MMP16: variants seen among roughly 807,000 people sequenced by gnomAD.
MMP16 encodes matrix metalloproteinase-16.
In MMP16, 12 loss-of-function variants were observed where a neutral mutation model predicts 67.8. That is an observed-to-expected ratio of 0.18 (90% confidence interval 0.11 to 0.29). MMP16 has a LOEUF of 0.29. Among genes scored for constraint, MMP16 ranks in the 10% least tolerant of loss-of-function variants. The pLI is 1.00. For missense variants in MMP16, 475 were observed against 765.7 expected, an observed-to-expected ratio of 0.62 and a Z score of 4.48; for synonymous variants, 249 against 255.9, an observed-to-expected ratio of 0.97 and a Z score of 0.26.
intron 6 of MMP16, among the ~76,000 whole-genome samples, chr8:88,096,136 T>A (rs919596502): frequency 2.6e-5 from 4 of 151,944 alleles, no homozygotes; most frequent in African/African-American, 9.7e-5. Context: ...GGTACAAACT[T>A]ATTTGGCAGA....
intron 1 of MMP16, among the ~76,000 whole-genome samples, chr8:88,210,332 T>C (rs902116493): frequency 2.0e-5 from 3 of 152,224 alleles, no homozygotes; most frequent in African/African-American, 7.2e-5. Flanking sequence ...TTATTCTGTA[T>C]TTCCATCTGT....
chr8:88,075,107 G>GT lies in MMP16; in HGVS notation c.1084-365dup, dbSNP rs550955209. Among the ~76,000 whole-genome samples, 107 of 152,094 alleles carry GT rather than the reference G, an allele frequency of 7.0e-4. 1 individual carries two copies. The highest frequency in any genetic ancestry group is 2.5e-3 in the African/African-American group (102 of 41,518). Reference sequence around the variant, plus strand: ...GTTAGGGCCATGCATGCTTCCTAACGTTTTTAAATATATGCAAAATCTCCA... The same window carrying GT: ...GTTAGGGCCATGCATGCTTCCTAACGTTTTTTAAATATATGCAAAATCTCCA... On this transcript the variant is annotated intron_variant, in intron 6 of 9. Coordinates refer to ENST00000286614, the MANE Select transcript of MMP16 (RefSeq NM_005941.5).
intron 4 of MMP16, among the ~76,000 whole-genome samples, chr8:88,124,087 T>C (rs774170297): frequency 6.6e-6 from 1 of 152,074 alleles, no homozygotes; most frequent in Non-Finnish European, 1.5e-5. Flanking sequence ...TGCAATGCAC[T>C]TGCGAGTAGC....
At chr8:88,192,970 G>C (rs1809193863) in intron 2 of MMP16, among the ~76,000 whole-genome samples, 1 of 152,028 alleles carries the variant, frequency 6.6e-6, no homozygotes, top group South Asian at 2.1e-4. Context: ...TATAAATTAG[G>C]ATAATCACTA....
At chr8:88,184,617 C>G (rs1192191897) in intron 3 of MMP16, among the ~76,000 whole-genome samples, 2 of 130,828 alleles carry the variant, frequency 1.5e-5, no homozygotes, top group Non-Finnish European at 3.1e-5. Context: ...CATGGTCGTG[C>G]ACACCTATAA....
At chr8:88,188,950 C>T (rs973420890) in intron 2 of MMP16, among the ~76,000 whole-genome samples, 6 of 152,126 alleles carry the variant, frequency 3.9e-5, no homozygotes, top group African/African-American at 1.2e-4. Flanking sequence ...CCACCGTGCC[C>T]GGCCCAAAGA....
intron 6 of MMP16, among the ~76,000 whole-genome samples, chr8:88,094,098 A>G (rs1442880347): frequency 1.3e-5 from 2 of 151,854 alleles, no homozygotes; most frequent in African/African-American, 2.4e-5. Flanking sequence ...TTTACATATA[A>G]CATAACTACA....
At chr8:88,090,749 T>G (rs12542125) in intron 6 of MMP16, among the ~76,000 whole-genome samples, 70,686 of 151,670 alleles carry the variant, frequency 0.47, 17,384 homozygotes, top group Non-Finnish European at 0.56. Flanking sequence ...TCCATTTAAT[T>G]CCAAAGCTGA....
intron 9 of MMP16, among the ~76,000 whole-genome samples, chr8:88,045,981 A>T (rs1025591285): frequency 6.6e-6 from 1 of 152,142 alleles, no homozygotes; most frequent in Non-Finnish European, 1.5e-5. Context: ...TCAATTTCAA[A>T]TTATTATTAT....
chr8:88,260,315 TG>T (rs1168484527), intron 1 of MMP16, among the ~76,000 whole-genome samples: 2 of 152,194 alleles, frequency 1.3e-5, no homozygotes, highest in African/African-American at 2.4e-5. Flanking sequence ...ATTTTTGTTT[TG>T]TTTTTTACAA....
intron 1 of MMP16, among the ~76,000 whole-genome samples, chr8:88,262,889 G>A (rs1404459057): frequency 1.3e-5 from 2 of 149,302 alleles, no homozygotes; most frequent in African/African-American, 2.5e-5. Flanking sequence ...GCCGAGCGTG[G>A]TAGCGGGTGC....
At chr8:88,046,570 G>GTA (rs1808201807) in intron 9 of MMP16, 99 bp downstream of exon 9, 1 of 655,182 alleles carries the variant, frequency 1.5e-6, no homozygotes, top group Non-Finnish European at 2.6e-6. Flanking sequence ...CATAGCTCTA[G>GTA]TATAGCACTT....
At chr8:88,257,677 C>G (rs924200109) in intron 1 of MMP16, among the ~76,000 whole-genome samples, 5 of 152,156 alleles carry the variant, frequency 3.3e-5, no homozygotes, top group African/African-American at 1.2e-4. Flanking sequence ...GCATTATAAG[C>G]ATGGAGTATA....
At chr8:88,313,263 A>G (rs1408256044) in intron 1 of MMP16, among the ~76,000 whole-genome samples, 2 of 152,136 alleles carry the variant, frequency 1.3e-5, no homozygotes, top group African/African-American at 4.8e-5. Context: ...GCTGGAGATA[A>G]ATCTTTCAGC....
At chr8:88,056,393 A>T in intron 7 of MMP16, 115 bp from the exon 8 acceptor site, 1 of 321,232 alleles carries the variant, frequency 3.1e-6, no homozygotes, top group Non-Finnish European at 5.1e-6. Flanking sequence ...AAATTATACT[A>T]AATATATATT....
At chr8:88,255,084 T>C (rs990199219) in intron 1 of MMP16, among the ~76,000 whole-genome samples, 1 of 152,206 alleles carries the variant, frequency 6.6e-6, no homozygotes, top group African/African-American at 2.4e-5. Flanking sequence ...AAATCTCATG[T>C]TGAAATGTGA....
intron 6 of MMP16, among the ~76,000 whole-genome samples, chr8:88,076,679 A>C (rs1808657319): frequency 1.3e-5 from 2 of 152,186 alleles, no homozygotes; most frequent in Admixed American, 1.3e-4. Flanking sequence ...ACTTAAAAGA[A>C]AAAACAGAAT....
intron 6 of MMP16, among the ~76,000 whole-genome samples, chr8:88,098,224 T>A (rs895647135): frequency 2.0e-5 from 3 of 152,012 alleles, no homozygotes; most frequent in South Asian, 4.1e-4. Flanking sequence ...GTCCTCAGGA[T>A]GTATTACTAC....
chr8:88,074,529 C>A (rs943986112), intron 7 of MMP16, 76 bp downstream of exon 7: 22 of 1,329,990 alleles, frequency 1.7e-5, no homozygotes, highest in Admixed American at 7.0e-5. Flanking sequence ...CTCATTTCAT[C>A]ACTTTTGTGT....
Sources: gnomAD v4.1 joint callset for allele counts (sites outside exome capture counted in the v4.1 genomes callset) on GRCh38, gnomAD v4.1.1 for gene constraint, MANE v1.5 for transcripts, NCBI Gene and HGNC (gene_info 2026-07-23, HGNC 2026-07-21) for gene names.